The following NOL4L variants were observed in gnomAD, a reference collection of about 807,000 sequenced individuals.
NOL4L encodes the protein nucleolar protein 4-like.
Under a neutral mutation model 64.5 loss-of-function variants are expected in NOL4L, and 7 were observed. The ratio of observed to expected loss-of-function variants is 0.11; its 90% CI spans 0.06 to 0.20. The LOEUF is 0.20. NOL4L is among the 10% of genes least tolerant of loss of function. The pLI is 1.00. For missense variants in NOL4L, 680 were observed against 967.1 expected (o/e 0.70, Z 3.94); for synonymous variants, 413 against 401.0 (o/e 1.03, Z -0.36).
intron 2 of NOL4L, among the ~76,000 whole-genome samples, chr20:32,521,932 G>A (rs1239342635): frequency 3.3e-5 from 5 of 152,256 alleles, no homozygotes; most frequent in East Asian, 1.9e-4. Context: ...GCCGCAGCCC[G>A]CAGCCGGGCT....
Position 32,552,946 on chromosome 20 carries a change from G to A in NOL4L, c.322-25033C>T, listed in dbSNP as rs1466035165. On this transcript the variant is annotated intron_variant, in intron 1 of 10. Coordinates refer to ENST00000621426, the MANE Select transcript of NOL4L (RefSeq NM_001256798.2). Reference sequence around the variant, plus strand: ...TTGAATCTGGGGGCGGAGGCTGCAGGAAGCTAAGATTACTCACTGGCCCTC... The same window carrying A: ...TTGAATCTGGGGGCGGAGGCTGCAGAAAGCTAAGATTACTCACTGGCCCTC... 2.0e-5 allele frequency among the ~76,000 whole-genome samples: 3 copies of A among 152,174 alleles called. No individual in the cohort carries two copies. In the East Asian group the frequency reaches 5.8e-4, roughly 29 times the overall value.
In NOL4L at chr20:32,453,471, C is replaced by T. The variant is rs2013138975; in HGVS notation, c.1330G>A (p.Glu444Lys). ...FNMFVRLFVD[E>K]NLDRMVPISK... is the part of the protein sequence containing the mutation. ...ATGGGCACCATGCGGTCCAGGTTCT[C>T]GTCCACAAAGAGACGCACAAACATC... Residue 444 changes from glutamate to lysine, a missense_variant, in exon 8 of 11, where the codon GAG becomes AAG. Transcript: ENST00000621426. This position sits in a 1 kb window ranked among gnomAD's most constrained non-coding sequence, Gnocchi z 5.6. 2 of 1,613,990 alleles carry T rather than the reference C, an allele frequency of 1.2e-6. No individual in the cohort carries two copies. The highest frequency in any genetic ancestry group is 1.1e-5 in the South Asian group (1 of 91,082).
chr20:32,452,423 G>A lies in NOL4L; in HGVS notation c.1635C>T (p.Ala545=), dbSNP rs756961760. ...IYQSSQDEPI[A]LDKQHSRDSA... ...AGTCCCGCGAGTGCTGCTTGTCCAG[G>A]GCTATGGGCTCATCCTGCAGAGGGG... The change falls in exon 10 of 11, where the codon GCC becomes GCT. Residue 545 remains alanine, a synonymous_variant. Transcript: ENST00000621426. The A allele has an allele frequency of 3.1e-6, 5 of 1,600,970 alleles. No homozygotes were observed. The African/African-American group carries it at 4.0e-5, about 13-fold the overall frequency.
chr20:32,488,795 CT>C (rs762340184), intron 4 of NOL4L, among the ~76,000 whole-genome samples: 3,802 of 46,942 alleles, frequency 0.081, 264 homozygotes, highest in African/African-American at 0.14. Flanking sequence ...TCCTTCCTTT[CT>C]TTCTTTCTTT....
At position 32,517,123 on chromosome 20, in the gene NOL4L, G is replaced by T. The variant is rs556381148; in HGVS notation, c.589+3688C>A. On this transcript the variant is annotated intron_variant, in intron 3 of 10. Coordinates refer to ENST00000621426, the MANE Select transcript of NOL4L (RefSeq NM_001256798.2). ...TCCTTTGTTTATGCTCCTGGCACTGGGGGAGGGCACGGGGCTGTCCAGGTC... is the reference window on the plus strand; with the variant it reads ...TCCTTTGTTTATGCTCCTGGCACTGTGGGAGGGCACGGGGCTGTCCAGGTC... 6.6e-5 allele frequency among the ~76,000 whole-genome samples: 10 copies of T among 152,300 alleles called. No homozygotes were observed. The South Asian group carries it at 2.1e-3, about 32-fold the overall frequency.
chr20:32,569,776 C>A (rs550435083), intron 1 of NOL4L, among the ~76,000 whole-genome samples: 2 of 152,276 alleles, frequency 1.3e-5, no homozygotes, highest in Admixed American at 1.3e-4. Context: ...GAGATCAAGT[C>A]CTGTTCACCA....
At chr20:32,478,696 A>G (rs2015551717) in intron 4 of NOL4L, among the ~76,000 whole-genome samples, 1 of 152,164 alleles carries the variant, frequency 6.6e-6, no homozygotes, top group Admixed American at 6.5e-5. Context: ...TCGACCCCCC[A>G]GGCTCCTGCC....
At chr20:32,499,011 C>T (rs947084807) in intron 4 of NOL4L, among the ~76,000 whole-genome samples, 5 of 151,946 alleles carry the variant, frequency 3.3e-5, no homozygotes, top group East Asian at 3.9e-4. Context: ...TCCTGAGTAC[C>T]TGGGATTACA....
chr20:32,511,174 AAC>A (rs1393899399), intron 4 of NOL4L, 171 bp downstream of exon 4: 2 of 552,718 alleles, frequency 3.6e-6, no homozygotes, highest in East Asian at 2.9e-5. Flanking sequence ...TCTCACGAGA[AAC>A]ACATTCTTGC....
intron 4 of NOL4L, among the ~76,000 whole-genome samples, chr20:32,488,803 CTTTTTCTTTCTTTCTTTCTTTCTT>C (rs1280827154): frequency 0.047 from 2,712 of 57,758 alleles, 161 homozygotes; most frequent in African/African-American, 0.1. Flanking sequence ...TTCTTTCTTT[CTTTTTCTTTCTTTCTTTCTTTCTT>C]TTTCTTTCTT....
chr20:32,506,522 G>A (rs571035508), intron 4 of NOL4L, among the ~76,000 whole-genome samples: 7 of 152,146 alleles, frequency 4.6e-5, no homozygotes, highest in Non-Finnish European at 8.8e-5. Flanking sequence ...TTAGCCGGGC[G>A]TGGTGGTGCG....
At chr20:32,477,484 T>C (rs1315876188) in intron 4 of NOL4L, among the ~76,000 whole-genome samples, 1 of 152,248 alleles carries the variant, frequency 6.6e-6, no homozygotes, top group African/African-American at 2.4e-5. Context: ...CTGCCCTGTC[T>C]TTCCCTGGAA....
chr20:32,532,341 G>A (rs1190682543), intron 1 of NOL4L: 1 of 985,266 alleles, frequency 1.0e-6, no homozygotes, highest in Non-Finnish European at 1.2e-6. Context: ...TGGTGAGCTA[G>A]GGCCACCTGG....
chr20:32,468,653 C>A (rs1311156655), intron 5 of NOL4L, among the ~76,000 whole-genome samples: 1 of 152,146 alleles, frequency 6.6e-6, no homozygotes, highest in African/African-American at 2.4e-5. Flanking sequence ...GTAATCCCTG[C>A]ATTTTGGGAG....
At chr20:32,497,663 A>C (rs1464058892) in intron 4 of NOL4L, among the ~76,000 whole-genome samples, 1 of 152,158 alleles carries the variant, frequency 6.6e-6, no homozygotes, top group Non-Finnish European at 1.5e-5. Flanking sequence ...AAGGGCAGCC[A>C]TCAGTACAGG....
intron 3 of NOL4L, among the ~76,000 whole-genome samples, chr20:32,511,687 C>T (rs571331588): frequency 2.0e-5 from 3 of 152,196 alleles, no homozygotes; most frequent in East Asian, 1.9e-4. Flanking sequence ...AGATTTCACA[C>T]GTTAAAAAAC....
chr20:32,554,607 A>G (rs566378691), intron 1 of NOL4L, among the ~76,000 whole-genome samples: 26 of 152,150 alleles, frequency 1.7e-4, no homozygotes, highest in Middle Eastern at 3.4e-3. Context: ...GTCCTGTATC[A>G]CTCAGAAGCA....
At chr20:32,511,013 G>A (rs2017376184) in intron 4 of NOL4L, among the ~76,000 whole-genome samples, 1 of 152,094 alleles carries the variant, frequency 6.6e-6, no homozygotes. Flanking sequence ...AGAGGCCAGC[G>A]ATAAAGGGCA....
intron 1 of NOL4L, among the ~76,000 whole-genome samples, chr20:32,555,730 C>T (rs536898093): frequency 8.5e-5 from 13 of 152,198 alleles, no homozygotes; most frequent in South Asian, 6.2e-4. Context: ...TGAGAAGACA[C>T]GGAGAGAAGT....
Sources: allele counts gnomAD v4.1 joint callset (sites outside exome capture counted in the v4.1 genomes callset), GRCh38; gene constraint gnomAD v4.1.1; non-coding constraint Gnocchi (gnomAD v3.1); transcripts MANE v1.5; gene names NCBI Gene and HGNC (gene_info 2026-07-23, HGNC 2026-07-21).